Variants in SV2C observed in about 807,000 individuals in gnomAD.
The protein encoded by SV2C is solute carrier family 22 member B3.
In SV2C, 49 loss-of-function variants were observed where a neutral mutation model predicts 79.7. The observed-to-expected ratio is 0.61, with a 90% confidence interval of 0.49 to 0.78. The LOEUF (loss-of-function observed/expected upper bound fraction) is 0.78, where lower values mean the gene tolerates loss of function less well. Among genes scored for constraint, SV2C ranks in the 30% least tolerant of loss-of-function variants. The pLI is 0.00. For missense variants in SV2C, 833 were observed against 912.9 expected, an observed-to-expected ratio of 0.91 and a Z score of 1.13; for synonymous variants, 334 against 333.2, an observed-to-expected ratio of 1.00 and a Z score of -0.03.
chr5:76,337,406 A>G (rs1749349888), downstream of SV2C, among the ~76,000 whole-genome samples: 1 of 152,220 alleles, frequency 6.6e-6, no homozygotes. Flanking sequence ...TAAAGACCCT[A>G]TCTCCAAACT....
At chr5:75,920,685 A>C in the SV2C span, 1 of 723,846 alleles carries the variant, frequency 1.4e-6, no homozygotes, top group African/African-American at 1.7e-5. Flanking sequence ...CAGCTCCTTC[A>C]TTCTGTTGAG....
At chr5:76,254,219 T>C (rs1370777028) in intron 4 of SV2C, among the ~76,000 whole-genome samples, 1 of 133,576 alleles carries the variant, frequency 7.5e-6, no homozygotes. Flanking sequence ...TATATATGTG[T>C]GTGTATATAT....
At chr5:76,026,939 C>T in the SV2C span, among the ~76,000 whole-genome samples, 1 of 152,136 alleles carries the variant, frequency 6.6e-6, no homozygotes, top group East Asian at 1.9e-4. Context: ...TCGTCCAACC[C>T]CCACTTTTTA....
chr5:76,263,819 T>C (rs1205882581), intron 4 of SV2C, among the ~76,000 whole-genome samples: 1 of 151,960 alleles, frequency 6.6e-6, no homozygotes, highest in Non-Finnish European at 1.5e-5. Context: ...GGGTTCCCTT[T>C]GTAGGTAACC....
chr5:75,960,347 A>G, the SV2C span, among the ~76,000 whole-genome samples: 8,935 of 152,074 alleles, frequency 0.059, 843 homozygotes, highest in African/African-American at 0.2. Flanking sequence ...GTTTCTATCA[A>G]TGATGGATCA....
At chr5:75,954,850 C>T in the SV2C span, among the ~76,000 whole-genome samples, 1 of 141,944 alleles carries the variant, frequency 7.0e-6, no homozygotes, top group Admixed American at 6.8e-5. Flanking sequence ...ATGTGAAGGA[C>T]CTCTTCAAGG....
At chr5:75,970,060 C>T in the SV2C span, among the ~76,000 whole-genome samples, 1 of 152,044 alleles carries the variant, frequency 6.6e-6, no homozygotes, top group East Asian at 1.9e-4. Flanking sequence ...GAACAATCTG[C>T]TCCTGAATGA....
At chr5:76,146,877 A>G (rs76848383) in intron 2 of SV2C, among the ~76,000 whole-genome samples, 1 of 152,044 alleles carries the variant, frequency 6.6e-6, no homozygotes, top group East Asian at 1.9e-4. Context: ...TTTTAAAAAG[A>G]AAAAAATTAA....
chr5:75,971,566 C>G, the SV2C span, among the ~76,000 whole-genome samples: 1 of 152,036 alleles, frequency 6.6e-6, no homozygotes, highest in Admixed American at 6.5e-5. Context: ...GAGTGAGCTC[C>G]CATTCACAAT....
the SV2C span, among the ~76,000 whole-genome samples, chr5:75,954,252 T>C: frequency 6.6e-6 from 1 of 151,994 alleles, no homozygotes; most frequent in South Asian, 2.1e-4. Context: ...CTCTTATTTC[T>C]TAAGTACTTT....
chr5:76,131,148 T>C (rs187250515), intron 1 of SV2C, among the ~76,000 whole-genome samples: 71 of 152,326 alleles, frequency 4.7e-4, no homozygotes, highest in African/African-American at 1.6e-3. Context: ...TTTACAAATA[T>C]AGCTATAGTT....
the SV2C span, among the ~76,000 whole-genome samples, chr5:75,901,892 C>T: frequency 6.6e-6 from 1 of 152,218 alleles, no homozygotes; most frequent in Non-Finnish European, 1.5e-5. Flanking sequence ...CCTTCCAAGC[C>T]AGGTGCGGGA....
At chr5:76,060,417 T>C in the SV2C span, among the ~76,000 whole-genome samples, 1 of 152,160 alleles carries the variant, frequency 6.6e-6, no homozygotes, top group African/African-American at 2.4e-5. Context: ...CTGCAGCTTC[T>C]ACATCAATAC....
the SV2C span, among the ~76,000 whole-genome samples, chr5:76,045,262 A>G: frequency 6.6e-6 from 1 of 151,862 alleles, no homozygotes; most frequent in Non-Finnish European, 1.5e-5. Flanking sequence ...ATTCTGTTCC[A>G]TTTGTCTATG....
chr5:75,901,949 G>A, the SV2C span, among the ~76,000 whole-genome samples: 1 of 152,232 alleles, frequency 6.6e-6, no homozygotes, highest in African/African-American at 2.4e-5. Context: ...GAAAAGCGCA[G>A]TATTCGGGTG....
the SV2C span, among the ~76,000 whole-genome samples, chr5:75,999,132 T>A: frequency 2.0e-5 from 3 of 152,124 alleles, no homozygotes; most frequent in South Asian, 6.2e-4. Context: ...TTATTCACTA[T>A]CACGAGAACA....
At chr5:75,915,625 G>A in the SV2C span, among the ~76,000 whole-genome samples, 1 of 152,142 alleles carries the variant, frequency 6.6e-6, no homozygotes, top group Non-Finnish European at 1.5e-5. Context: ...AAAGGATGTG[G>A]CTATTTCGAG....
chr5:76,110,786 T>C (rs969526913), intron 1 of SV2C, among the ~76,000 whole-genome samples: 1 of 152,156 alleles, frequency 6.6e-6, no homozygotes, highest in African/African-American at 2.4e-5. Context: ...GGATGAAACA[T>C]ATTGGAAAGC....
At chr5:75,953,469 C>T in the SV2C span, among the ~76,000 whole-genome samples, 2 of 151,976 alleles carry the variant, frequency 1.3e-5, no homozygotes, top group African/African-American at 4.8e-5. Context: ...TTCAGCCTCA[C>T]CATACGTAGT....
Sources: allele counts gnomAD v4.1 joint callset (sites outside exome capture counted in the v4.1 genomes callset), GRCh38; gene constraint gnomAD v4.1.1; transcripts MANE v1.5; gene names NCBI Gene and HGNC (gene_info 2026-07-23, HGNC 2026-07-21).